BRINP1: variants seen among roughly 807,000 people sequenced by gnomAD.
BRINP1 encodes BMP/retinoic acid inducible neural specific 1, also known as BMP/retinoic acid-inducible neural-specific protein 1.
In BRINP1, 17 loss-of-function variants were observed where a neutral mutation model predicts 72.9. That is an observed-to-expected ratio of 0.23 (90% CI 0.16 to 0.35). The LOEUF (loss-of-function observed/expected upper bound fraction) is 0.35, where lower values mean the gene tolerates loss of function less well. BRINP1 is among the 10% of genes least tolerant of loss of function. BRINP1 has a pLI of 1.00. For synonymous variants in BRINP1, 418 were observed against 378.5 expected (o/e 1.10, Z -1.21); for missense variants, 850 against 1,001.6 (o/e 0.85, Z 2.04).
intron 3 of BRINP1, among the ~76,000 whole-genome samples, chr9:119,244,630 A>C (rs1479490444): frequency 6.6e-6 from 1 of 152,204 alleles, no homozygotes; most frequent in Non-Finnish European, 1.5e-5. Context: ...GGGCCTGTGA[A>C]GGAGAAGGTG....
At chr9:119,183,506 G>A (rs1206954363) in intron 7 of BRINP1, among the ~76,000 whole-genome samples, 1 of 152,176 alleles carries the variant, frequency 6.6e-6, no homozygotes, top group Non-Finnish European at 1.5e-5. Context: ...ACGGGGGGCT[G>A]TACAGTACAG....
At position 119,220,322 on chromosome 9, in the gene BRINP1, A is replaced by G. The variant is rs758192015; in HGVS notation, c.686-6167T>C. Among the ~76,000 whole-genome samples, 21 of 152,144 alleles carry G rather than the reference A, an allele frequency of 1.4e-4. 1 individual carries two copies. The highest frequency in any genetic ancestry group is 1.5e-5 in the Non-Finnish European group (1 of 68,028). On this transcript the variant is annotated intron_variant, in intron 5 of 7. Coordinates refer to ENST00000265922, the MANE Select transcript of BRINP1 (RefSeq NM_014618.3). ...CAACAACATTGATGATATTGCTAGC[A>G]GGCACTTGGATCAACTGACCATGCT...
intron 7 of BRINP1, among the ~76,000 whole-genome samples, chr9:119,202,148 G>C (rs1829811627): frequency 1.3e-5 from 2 of 152,126 alleles, no homozygotes; most frequent in African/African-American, 2.4e-5. Context: ...TTAATCATCA[G>C]CAAGTCATTT....
intron 5 of BRINP1, among the ~76,000 whole-genome samples, chr9:119,217,584 C>T (rs1357668608): frequency 6.6e-6 from 1 of 152,132 alleles, no homozygotes; most frequent in South Asian, 2.1e-4. Flanking sequence ...TTCTGCAGAG[C>T]ATGTGGGCAA....
chr9:119,192,634 C>CTA (rs1829694273), intron 7 of BRINP1, among the ~76,000 whole-genome samples: 1 of 151,982 alleles, frequency 6.6e-6, no homozygotes, highest in Non-Finnish European at 1.5e-5. Flanking sequence ...GGAAACCTTT[C>CTA]TATACAGTTG....
chr9:119,258,778 A>T (rs1830469734), intron 2 of BRINP1, among the ~76,000 whole-genome samples: 1 of 152,088 alleles, frequency 6.6e-6, no homozygotes, highest in African/African-American at 2.4e-5. Flanking sequence ...TCCTTTACAA[A>T]TCTCTGTCAC....
chr9:119,364,620 A>G (rs1480333553), intron 1 of BRINP1, among the ~76,000 whole-genome samples: 4 of 152,224 alleles, frequency 2.6e-5, no homozygotes, highest in African/African-American at 9.6e-5. Context: ...AAAAGAGCAG[A>G]GATGACGTAA....
chr9:119,308,343 A>C (rs902863181), intron 2 of BRINP1, among the ~76,000 whole-genome samples: 1 of 152,218 alleles, frequency 6.6e-6, no homozygotes, highest in Admixed American at 6.5e-5. Context: ...GGCTTCTTTC[A>C]AGTTCAAACA....
chr9:119,359,292 C>G (rs1188920793), intron 1 of BRINP1, among the ~76,000 whole-genome samples: 1 of 152,176 alleles, frequency 6.6e-6, no homozygotes, highest in Non-Finnish European at 1.5e-5. Flanking sequence ...CACCTTGGCC[C>G]ACATAATCCT....
intron 1 of BRINP1, among the ~76,000 whole-genome samples, chr9:119,355,301 G>C (rs1831549856): frequency 6.6e-6 from 1 of 152,130 alleles, no homozygotes. Context: ...ATTTGATGTT[G>C]ATAAATGTCA....
chr9:119,204,195 G>A (rs1829829914), intron 7 of BRINP1, among the ~76,000 whole-genome samples: 1 of 152,100 alleles, frequency 6.6e-6, no homozygotes, highest in East Asian at 1.9e-4. Flanking sequence ...GCCCAGTCAA[G>A]CCCCCAGATG....
intron 1 of BRINP1, among the ~76,000 whole-genome samples, chr9:119,367,221 G>GATATATATATAT (rs6151155): frequency 0.015 from 1,490 of 99,816 alleles, 90 homozygotes; most frequent in East Asian, 0.041. Context: ...GTGTGTGATT[G>GATATATATATAT]ATATATATAT....
At chr9:119,257,156 A>G (rs145937146) in intron 2 of BRINP1, among the ~76,000 whole-genome samples, 1 of 152,224 alleles carries the variant, frequency 6.6e-6, no homozygotes, top group Non-Finnish European at 1.5e-5. Flanking sequence ...AGTCAGAAAG[A>G]CAGCAGAGTA....
At chr9:119,286,991 T>C (rs1230612250) in intron 2 of BRINP1, among the ~76,000 whole-genome samples, 2 of 151,466 alleles carry the variant, frequency 1.3e-5, no homozygotes, top group African/African-American at 2.4e-5. Context: ...ATTTTCCAAA[T>C]CACCAAATAG....
intron 5 of BRINP1, among the ~76,000 whole-genome samples, chr9:119,223,387 T>C (rs934020637): frequency 2.0e-5 from 3 of 152,024 alleles, no homozygotes; most frequent in African/African-American, 7.2e-5. Context: ...GGGTAGTTGT[T>C]TAAGTGACAT....
chr9:119,276,099 T>C (rs780186900), intron 2 of BRINP1, among the ~76,000 whole-genome samples: 2 of 152,176 alleles, frequency 1.3e-5, no homozygotes, highest in African/African-American at 2.4e-5. Context: ...CTTTTATCCC[T>C]CATGGCAGCC....
At chr9:119,256,462 TA>T in intron 2 of BRINP1, among the ~76,000 whole-genome samples, 1 of 152,328 alleles carries the variant, frequency 6.6e-6, no homozygotes, top group Admixed American at 6.5e-5. Flanking sequence ...CAATAGTTTA[TA>T]AACTCCATCC....
intron 1 of BRINP1, among the ~76,000 whole-genome samples, chr9:119,361,734 C>A (rs778172625): frequency 2.9e-4 from 43 of 150,690 alleles, no homozygotes; most frequent in Admixed American, 1.3e-3. Context: ...GATCCTCCTA[C>A]CTCAGCCTCC....
At chr9:119,282,542 A>T (rs1830723649) in intron 2 of BRINP1, among the ~76,000 whole-genome samples, 2 of 152,168 alleles carry the variant, frequency 1.3e-5, no homozygotes, top group African/African-American at 4.8e-5. Context: ...GAGAAGAGTA[A>T]TAAGGAGGAA....
Sources: allele counts gnomAD v4.1 joint callset (sites outside exome capture counted in the v4.1 genomes callset), GRCh38; gene constraint gnomAD v4.1.1; transcripts MANE v1.5; gene names NCBI Gene and HGNC (gene_info 2026-07-23, HGNC 2026-07-21).